CDH18: variants seen among roughly 807,000 people sequenced by gnomAD.
CDH18 encodes cadherin 18, also known as cadherin-18.
A neutral mutation model predicts 67.9 loss-of-function variants in CDH18; 31 were observed. That is an observed-to-expected ratio of 0.46 (90% CI 0.34 to 0.62). The LOEUF (loss-of-function observed/expected upper bound fraction) is 0.62, where lower values mean the gene tolerates loss of function less well. CDH18 is among the 20% of genes least tolerant of loss of function. The probability of loss-of-function intolerance (pLI) is 0.01; values close to 1 mark genes in which losing one functional copy is unlikely to be tolerated. For missense variants in CDH18, 890 were observed against 975.5 expected (o/e 0.91, Z 1.17); for synonymous variants, 362 against 347.2 (o/e 1.04, Z -0.48).
intron 1 of CDH18, among the ~76,000 whole-genome samples, chr5:20,352,540 G>A (rs1027714953): frequency 1.1e-4 from 17 of 151,152 alleles, no homozygotes; most frequent in Admixed American, 2.0e-4. Context: ...CAGCACTTTC[G>A]GAGGTCCAGG....
chr5:19,767,102 C>A (rs1008836090), intron 3 of CDH18, among the ~76,000 whole-genome samples: 2 of 151,654 alleles, frequency 1.3e-5, no homozygotes, highest in Non-Finnish European at 2.9e-5. Context: ...TTAAAAAACA[C>A]AAAAATGTGT....
intron 1 of CDH18, among the ~76,000 whole-genome samples, chr5:20,437,398 G>T (rs1476789856): frequency 2.0e-5 from 3 of 151,096 alleles, no homozygotes; most frequent in Admixed American, 6.6e-5. Context: ...GTACTACAGA[G>T]AAATTATTTC....
chr5:20,099,987 T>C (rs528018180), intron 2 of CDH18, among the ~76,000 whole-genome samples: 2 of 152,210 alleles, frequency 1.3e-5, no homozygotes, highest in Non-Finnish European at 2.9e-5. Flanking sequence ...GGTTTCACCA[T>C]GTTGGCCAGG....
intron 2 of CDH18, among the ~76,000 whole-genome samples, chr5:20,178,417 T>C (rs1031276200): frequency 5.3e-5 from 8 of 151,920 alleles, no homozygotes; most frequent in African/African-American, 1.7e-4. Context: ...AAAAACATCA[T>C]TGTTTCTCAT....
intron 4 of CDH18, among the ~76,000 whole-genome samples, chr5:19,728,198 C>T (rs1767113567): frequency 6.6e-6 from 1 of 152,116 alleles, no homozygotes; most frequent in Non-Finnish European, 1.5e-5. Context: ...GTTCCCCTCC[C>T]TAGATAATTG....
chr5:19,606,696 A>G (rs1018368977), intron 6 of CDH18, among the ~76,000 whole-genome samples: 7 of 151,944 alleles, frequency 4.6e-5, no homozygotes, highest in Non-Finnish European at 8.8e-5. Context: ...TGAATGTTAT[A>G]TAACTGAAAG....
Position 20,172,220 on chromosome 5 carries a change from A to ATATATATG in CDH18, c.-518+83223_-518+83224insCATATATA, listed in dbSNP as rs1481915844. On this transcript the variant is annotated intron_variant, in intron 2 of 14. Coordinates refer to the CDH18 transcript ENST00000507958. The stretch of plus-strand genomic sequence containing the variant: ...TATATATATATATATATATATATAT[A>ATATATATG]TATGTATATATATATATATGTATAT... Among the ~76,000 whole-genome samples, 44 of 79,478 alleles carry ATATATATG rather than the reference A, an allele frequency of 5.5e-4. 3 individuals carry two copies. The highest frequency in any genetic ancestry group is 2.1e-3 in the African/African-American group (39 of 18,398). The allele number at this position is 79,478 out of a possible 152,430, so 52.1% of individuals were successfully genotyped here. A position where few individuals can be genotyped will look rare whatever the true frequency, so the allele number is the denominator to read the frequency against.
At chr5:19,849,389 T>C in intron 2 of CDH18, among the ~76,000 whole-genome samples, 1 of 151,530 alleles carries the variant, frequency 6.6e-6, no homozygotes, top group East Asian at 1.9e-4. Flanking sequence ...AAAGAAGAAA[T>C]GTGCAGTGAA....
intron 5 of CDH18, among the ~76,000 whole-genome samples, chr5:19,638,604 C>A (rs1753508410): frequency 1.3e-5 from 2 of 150,902 alleles, no homozygotes. Context: ...CCTGGATGAG[C>A]ATGAGGTGGT....
At chr5:19,480,351 T>TTTTA (rs70950071) in intron 12 of CDH18, among the ~76,000 whole-genome samples, 20,089 of 145,374 alleles carry the variant, frequency 0.14, 1,431 homozygotes, top group Middle Eastern at 0.16. Flanking sequence ...ATAAAGTTTA[T>TTTTA]TTTATTTATT....
At chr5:20,405,308 A>G (rs1349074132) in intron 1 of CDH18, among the ~76,000 whole-genome samples, 1 of 152,218 alleles carries the variant, frequency 6.6e-6, no homozygotes, top group Non-Finnish European at 1.5e-5. Flanking sequence ...CTGATCTTTG[A>G]CAAACCTGAC....
intron 2 of CDH18, among the ~76,000 whole-genome samples, chr5:20,252,125 G>A (rs537951560): frequency 6.3e-4 from 96 of 152,132 alleles, no homozygotes; most frequent in African/African-American, 2.1e-3. Context: ...AGGCTGAAGC[G>A]GGTGGATCAC....
At chr5:19,732,823 T>A (rs951386011) in intron 4 of CDH18, among the ~76,000 whole-genome samples, 1 of 152,198 alleles carries the variant, frequency 6.6e-6, no homozygotes, top group African/African-American at 2.4e-5. Flanking sequence ...AACTGTTTTT[T>A]GTGTGAGAAG....
chr5:19,966,053 T>C (rs1306850771), intron 2 of CDH18, among the ~76,000 whole-genome samples: 1 of 152,172 alleles, frequency 6.6e-6, no homozygotes, highest in African/African-American at 2.4e-5. Flanking sequence ...CGAATAAATT[T>C]TGTTGTGTGA....
intron 3 of CDH18, among the ~76,000 whole-genome samples, chr5:19,760,854 G>A (rs1191859324): frequency 6.6e-6 from 1 of 152,152 alleles, no homozygotes; most frequent in African/African-American, 2.4e-5. Flanking sequence ...CATCACTGTT[G>A]CCGTTGCCTC....
chr5:19,928,529 C>T (rs574041824), intron 2 of CDH18, among the ~76,000 whole-genome samples: 4 of 152,142 alleles, frequency 2.6e-5, no homozygotes, highest in Non-Finnish European at 4.4e-5. Context: ...GTACATGGAA[C>T]GTAGCATGTA....
chr5:20,360,823 G>A (rs529750276), intron 1 of CDH18, among the ~76,000 whole-genome samples: 17 of 152,158 alleles, frequency 1.1e-4, no homozygotes, highest in Non-Finnish European at 2.1e-4. Context: ...ACCTGTGTAA[G>A]CCTAATTTTT....
In CDH18 at chr5:19,507,657, A is replaced by C. The variant is rs556967313; in HGVS notation, c.1513-4548T>G. ...ATTCTGAGCAAACTATCGCAAGGAC[A>C]AAAAACCAAACACCACATGTTCTCA... is the stretch of plus-strand genomic sequence containing the variant. On this transcript the variant is annotated intron_variant, in intron 10 of 12. Coordinates refer to ENST00000382275, the MANE Select transcript of CDH18 (RefSeq NM_004934.5). Among the ~76,000 whole-genome samples the C allele has an allele frequency of 3.3e-5, 5 of 152,274 alleles. No individual in the cohort carries two copies. In the South Asian group the frequency reaches 6.2e-4, roughly 19 times the overall value.
intron 2 of CDH18, among the ~76,000 whole-genome samples, chr5:19,867,812 C>T (rs1380399401): frequency 1.3e-5 from 2 of 152,106 alleles, no homozygotes; most frequent in African/African-American, 4.8e-5. Flanking sequence ...TATGGTTTGG[C>T]TGTTTGCCCA....
Sources: allele counts gnomAD v4.1 joint callset (sites outside exome capture counted in the v4.1 genomes callset), GRCh38; gene constraint gnomAD v4.1.1; transcripts MANE v1.5; gene names NCBI Gene and HGNC (gene_info 2026-07-23, HGNC 2026-07-21).